The following KHDRBS2 variants were observed in gnomAD, a reference collection of about 807,000 sequenced individuals.
The protein encoded by KHDRBS2 is KH domain-containing, RNA-binding, signal transduction-associated protein 2.
KHDRBS2 carries 26 observed loss-of-function variants against 44.3 expected under a neutral mutation model. That is an observed-to-expected ratio of 0.59 (90% CI 0.43 to 0.81). The LOEUF is 0.81. KHDRBS2 is among the 40% of genes least tolerant of loss of function. The probability of loss-of-function intolerance (pLI) is 0.00; values close to 1 mark genes in which losing one functional copy is unlikely to be tolerated. For synonymous variants in KHDRBS2, 194 were observed against 151.1 expected (o/e 1.28, Z -2.08); for missense variants, 476 against 433.1 (o/e 1.10, Z -0.88).
intron 8 of KHDRBS2, among the ~76,000 whole-genome samples, chr6:61,694,901 A>T (rs913836998): frequency 6.6e-6 from 1 of 152,200 alleles, no homozygotes; most frequent in Admixed American, 6.6e-5. Flanking sequence ...TGTTTTGGAA[A>T]ATAGTTCTGT....
intron 6 of KHDRBS2, among the ~76,000 whole-genome samples, chr6:61,766,601 T>C (rs1361730534): frequency 3.3e-5 from 5 of 152,102 alleles, no homozygotes; most frequent in African/African-American, 9.6e-5. Flanking sequence ...CATATATAGC[T>C]ATGAACTTCC....
chr6:61,723,156 A>AAAACAAACAAACAAAC (rs56386313), intron 7 of KHDRBS2, among the ~76,000 whole-genome samples: 1 of 150,392 alleles, frequency 6.6e-6, no homozygotes, highest in Non-Finnish European at 1.5e-5. Context: ...CTGACCATAA[A>AAAACAAACAAACAAAC]AAACAAACAA....
intron 3 of KHDRBS2, among the ~76,000 whole-genome samples, chr6:61,987,854 A>ATG (rs1327774987): frequency 2.0e-5 from 3 of 152,196 alleles, no homozygotes; most frequent in Admixed American, 2.0e-4. Context: ...TTTGAATTAA[A>ATG]TGTGGCAAGA....
chr6:61,784,530 GA>G (rs1337297959), intron 6 of KHDRBS2, among the ~76,000 whole-genome samples: 2 of 151,826 alleles, frequency 1.3e-5, no homozygotes, highest in Non-Finnish European at 2.9e-5. Context: ...GTTTAATCTG[GA>G]AATTTATATG....
the KHDRBS2 span, among the ~76,000 whole-genome samples, chr6:61,668,738 T>C: frequency 2.6e-5 from 4 of 151,056 alleles, no homozygotes; most frequent in Admixed American, 1.3e-4. Flanking sequence ...CTACATTCTT[T>C]TTCTTTCCAA....
chr6:61,557,332 A>C, the KHDRBS2 span, among the ~76,000 whole-genome samples: 1 of 152,214 alleles, frequency 6.6e-6, no homozygotes, highest in African/African-American at 2.4e-5. Flanking sequence ...CTAGTAAATA[A>C]AAACAATAAT....
chr6:61,839,556 T>C (rs1328069540), intron 6 of KHDRBS2, among the ~76,000 whole-genome samples: 1 of 152,164 alleles, frequency 6.6e-6, no homozygotes, highest in Non-Finnish European at 1.5e-5. Context: ...TGGGTGACTT[T>C]GGACAAGTTA....
At chr6:62,191,467 T>C (rs533767839) in intron 1 of KHDRBS2, among the ~76,000 whole-genome samples, 49 of 152,236 alleles carry the variant, frequency 3.2e-4, no homozygotes, top group African/African-American at 1.0e-3. Context: ...CACTTTGTAC[T>C]CTAAATGCAA....
intron 4 of KHDRBS2, among the ~76,000 whole-genome samples, chr6:61,956,112 T>G (rs1767212074): frequency 6.6e-6 from 1 of 151,914 alleles, no homozygotes; most frequent in Non-Finnish European, 1.5e-5. Context: ...GAGAATCACT[T>G]GAACCCGGGA....
chr6:62,178,710 C>G (rs1053814492), intron 1 of KHDRBS2, among the ~76,000 whole-genome samples: 2 of 151,278 alleles, frequency 1.3e-5, no homozygotes. Context: ...TTAAAAATTA[C>G]CTTTATGTTT....
At chr6:62,071,466 G>T (rs137869691) in intron 2 of KHDRBS2, among the ~76,000 whole-genome samples, 11,057 of 152,110 alleles carry the variant, frequency 0.073, 439 homozygotes, top group African/African-American at 0.078. Flanking sequence ...GGATTTTTAT[G>T]GTTTTAGGTC....
At chr6:62,033,180 GAA>G (rs1174232255) in intron 3 of KHDRBS2, among the ~76,000 whole-genome samples, 1 of 151,678 alleles carries the variant, frequency 6.6e-6, no homozygotes, top group African/African-American at 2.4e-5. Context: ...GGAGACAAAA[GAA>G]AAGAGAATAA....
chr6:61,569,203 C>G, the KHDRBS2 span, among the ~76,000 whole-genome samples: 5 of 152,056 alleles, frequency 3.3e-5, no homozygotes, highest in Admixed American at 3.3e-4. Flanking sequence ...GGTCTGAGAA[C>G]CACCCTCCCG....
chr6:61,599,993 C>G, the KHDRBS2 span, among the ~76,000 whole-genome samples: 2 of 152,128 alleles, frequency 1.3e-5, no homozygotes, highest in Admixed American at 6.5e-5. Context: ...AAGATTCAGA[C>G]AGTATGAAGA....
intron 2 of KHDRBS2, among the ~76,000 whole-genome samples, chr6:62,114,647 C>G (rs761220019): frequency 6.6e-6 from 1 of 151,968 alleles, no homozygotes; most frequent in African/African-American, 2.4e-5. Flanking sequence ...ATTCAATATG[C>G]GTTATCTTTC....
At chr6:62,009,547 G>A (rs1214329383) in intron 3 of KHDRBS2, among the ~76,000 whole-genome samples, 1 of 152,130 alleles carries the variant, frequency 6.6e-6, no homozygotes, top group Non-Finnish European at 1.5e-5. Flanking sequence ...ATGTCTCCAG[G>A]GCATGTCTGA....
At chr6:61,593,156 G>A in the KHDRBS2 span, among the ~76,000 whole-genome samples, 5 of 152,196 alleles carry the variant, frequency 3.3e-5, no homozygotes, top group East Asian at 7.7e-4. Flanking sequence ...TTTCAGTCAA[G>A]TGTTCTAGTA....
At chr6:61,560,818 CT>C in the KHDRBS2 span, among the ~76,000 whole-genome samples, 1 of 152,126 alleles carries the variant, frequency 6.6e-6, no homozygotes, top group Non-Finnish European at 1.5e-5. Flanking sequence ...GTCTCTCATG[CT>C]TTATTAAGTT....
At chr6:61,551,540 A>G in the KHDRBS2 span, among the ~76,000 whole-genome samples, 19 of 151,934 alleles carry the variant, frequency 1.3e-4, no homozygotes, top group Non-Finnish European at 2.4e-4. Flanking sequence ...TTGATTTTTC[A>G]TATGGTATAA....
Sources: allele counts gnomAD v4.1 joint callset (sites outside exome capture counted in the v4.1 genomes callset), GRCh38; gene constraint gnomAD v4.1.1; transcripts MANE v1.5; gene names NCBI Gene and HGNC (gene_info 2026-07-23, HGNC 2026-07-21).